Variants in CELF2 observed in about 807,000 individuals in gnomAD.
CELF2 encodes the protein CUG triplet repeat RNA-binding protein 2.
In CELF2, 8 loss-of-function variants were observed where a neutral mutation model predicts 62.6. The ratio of observed to expected loss-of-function variants is 0.13; its 90% CI spans 0.07 to 0.23. The LOEUF is 0.23. Ranked by LOEUF, CELF2 falls within the 10% of genes least tolerant of loss-of-function variation. The probability of loss-of-function intolerance (pLI) is 1.00; values close to 1 mark genes in which losing one functional copy is unlikely to be tolerated. For missense variants in CELF2, 333 were observed against 671.0 expected (o/e 0.50, Z 5.56); for synonymous variants, 258 against 250.0 (o/e 1.03, Z -0.30).
At chr10:10,988,294 TAG>T (rs113642206) in intron 2 of CELF2, among the ~76,000 whole-genome samples, 5,932 of 140,480 alleles carry the variant, frequency 0.042, 332 homozygotes, top group African/African-American at 0.15. Context: ...TATATATATA[TAG>T]AGAGAGAGAG....
chr10:10,894,272 A>G (rs1260516740), intron 1 of CELF2, among the ~76,000 whole-genome samples: 1 of 152,228 alleles, frequency 6.6e-6, no homozygotes, highest in African/African-American at 2.4e-5. Flanking sequence ...AAAGAGCCAA[A>G]TAGAATAAAA....
In CELF2 at chr10:11,178,356, T is replaced by C. The variant is rs1415418414; in HGVS notation, c.271+12674T>C. ...TTCTGCAAGTCCAGCACAGGGTGTA[T>C]TCAGCTCTAGAGGTGGCAAACACGG... On this transcript the variant is annotated intron_variant, in intron 2 of 12. Coordinates refer to ENST00000633077, the MANE Select transcript of CELF2 (RefSeq NM_001326342.2). This position sits in a 1 kb window ranked among gnomAD's most constrained non-coding sequence, Gnocchi z 4.3. Among the ~76,000 whole-genome samples, 1 of 152,196 alleles carries C rather than the reference T, an allele frequency of 6.6e-6. No homozygotes were observed. Among genetic ancestry groups the C allele is most frequent in the South Asian group, 2.1e-4 (1 of 4,830 alleles).
chr10:10,773,857 A>T, the CELF2 span, among the ~76,000 whole-genome samples: 2 of 152,110 alleles, frequency 1.3e-5, no homozygotes, highest in Non-Finnish European at 2.9e-5. Flanking sequence ...TAATTTGCTA[A>T]GCAAACCTTT....
At chr10:10,749,314 C>T in the CELF2 span, among the ~76,000 whole-genome samples, 27 of 152,230 alleles carry the variant, frequency 1.8e-4, no homozygotes, top group South Asian at 6.2e-4. Flanking sequence ...GGCATATCAC[C>T]TTCTACTCCC....
the CELF2 span, among the ~76,000 whole-genome samples, chr10:10,505,405 G>A: frequency 2.0e-5 from 3 of 152,124 alleles, no homozygotes; most frequent in South Asian, 2.1e-4. Context: ...CTGGATGAAA[G>A]TTCTGACTCT....
the CELF2 span, among the ~76,000 whole-genome samples, chr10:10,696,845 G>C: frequency 9.9e-5 from 15 of 152,196 alleles, no homozygotes; most frequent in African/African-American, 2.7e-4. Flanking sequence ...TTCGGCTAGC[G>C]CACGGTGCGT....
chr10:10,663,310 G>T, the CELF2 span, among the ~76,000 whole-genome samples: 6,338 of 152,184 alleles, frequency 0.042, 252 homozygotes, highest in Admixed American at 0.091. Flanking sequence ...ATTTAGGATC[G>T]TTCAAGGGGA....
At chr10:10,599,638 G>C in the CELF2 span, among the ~76,000 whole-genome samples, 11 of 151,806 alleles carry the variant, frequency 7.2e-5, no homozygotes, top group Admixed American at 7.2e-4. Flanking sequence ...GGTTATCACT[G>C]TGCGCTTTGC....
At chr10:10,864,886 A>T (rs2133211536) in intron 1 of CELF2, among the ~76,000 whole-genome samples, 1 of 152,296 alleles carries the variant, frequency 6.6e-6, no homozygotes, top group Non-Finnish European at 1.5e-5. Flanking sequence ...TTGTCCCCAG[A>T]TACTATCATC....
the CELF2 span, among the ~76,000 whole-genome samples, chr10:10,535,132 C>T: frequency 6.6e-6 from 1 of 152,182 alleles, no homozygotes; most frequent in Non-Finnish European, 1.5e-5. Flanking sequence ...GAAGTTGAAG[C>T]ACTCAATACC....
At chr10:10,811,481 G>C (rs1453276641) in intron 1 of CELF2, among the ~76,000 whole-genome samples, 3 of 152,238 alleles carry the variant, frequency 2.0e-5, no homozygotes, top group Admixed American at 6.5e-5. Context: ...CACAGAGATG[G>C]GGGGAGAGGG....
At chr10:11,112,832 T>C (rs969231433) in intron 1 of CELF2, among the ~76,000 whole-genome samples, 2 of 152,242 alleles carry the variant, frequency 1.3e-5, no homozygotes, top group East Asian at 3.9e-4. Flanking sequence ...CATTTCCACA[T>C]GCGTAGCCCA....
intron 7 of CELF2, among the ~76,000 whole-genome samples, chr10:11,272,470 C>T (rs1026845064): frequency 6.6e-6 from 1 of 152,104 alleles, no homozygotes; most frequent in Non-Finnish European, 1.5e-5. Context: ...TCTAAGAGTC[C>T]GGCTTCCCCC....
chr10:11,284,805 G>A (rs565932934), intron 8 of CELF2, among the ~76,000 whole-genome samples: 6 of 150,156 alleles, frequency 4.0e-5, no homozygotes, highest in Non-Finnish European at 5.9e-5. Context: ...GATGGTGGGC[G>A]GATGATGGAT....
intron 1 of CELF2, among the ~76,000 whole-genome samples, chr10:11,087,054 A>G (rs2141734949): frequency 6.6e-6 from 1 of 152,312 alleles, no homozygotes. Context: ...AGAATTGTCT[A>G]GTTCCAGTCT....
At chr10:11,213,937 G>T (rs1387471232) in intron 2 of CELF2, among the ~76,000 whole-genome samples, 1 of 152,154 alleles carries the variant, frequency 6.6e-6, no homozygotes, top group Admixed American at 6.5e-5. Flanking sequence ...CACTTTGGCT[G>T]CATATCCACC....
the CELF2 span, among the ~76,000 whole-genome samples, chr10:10,555,850 T>C: frequency 1.3e-5 from 2 of 152,196 alleles, no homozygotes; most frequent in Non-Finnish European, 2.9e-5. Flanking sequence ...GAAGAGCCTC[T>C]TCGGGCTCTT....
chr10:10,904,060 C>T (rs1431982976), intron 1 of CELF2, among the ~76,000 whole-genome samples: 2 of 152,214 alleles, frequency 1.3e-5, no homozygotes, highest in Non-Finnish European at 1.5e-5. Flanking sequence ...CTGCTGTGTT[C>T]CCTTCCAGGA....
At chr10:11,197,562 G>A (rs1010921346) in intron 2 of CELF2, among the ~76,000 whole-genome samples, 1 of 152,214 alleles carries the variant, frequency 6.6e-6, no homozygotes. Context: ...AGCATTTATG[G>A]GCTATCTCAG....
Sources: gnomAD v4.1 joint callset for allele counts (sites outside exome capture counted in the v4.1 genomes callset) on GRCh38, gnomAD v4.1.1 for gene constraint, Gnocchi (gnomAD v3.1) non-coding constraint, MANE v1.5 for transcripts, NCBI Gene and HGNC (gene_info 2026-07-23, HGNC 2026-07-21) for gene names.